GALNT13: variants seen among roughly 807,000 people sequenced by gnomAD.
The protein encoded by GALNT13 is polypeptide N-acetylgalactosaminyltransferase 13.
Under a neutral mutation model 64.2 loss-of-function variants are expected in GALNT13, and 28 were observed. The observed-to-expected ratio is 0.44, with a 90% CI of 0.32 to 0.60. The LOEUF (loss-of-function observed/expected upper bound fraction) is 0.60, where lower values mean the gene tolerates loss of function less well. GALNT13 is among the 20% of genes least tolerant of loss of function. The pLI is 0.05. For synonymous variants in GALNT13, 214 were observed against 224.6 expected, an observed-to-expected ratio of 0.95 and a Z score of 0.42; for missense variants, 577 against 669.8, an observed-to-expected ratio of 0.86 and a Z score of 1.53.
chr2:153,758,453 C>T, the GALNT13 span, among the ~76,000 whole-genome samples: 1 of 151,906 alleles, frequency 6.6e-6, no homozygotes, highest in Admixed American at 6.6e-5. Flanking sequence ...TTTCAGGGTG[C>T]AAGATTGTCT....
chr2:153,505,705 T>C, the GALNT13 span, among the ~76,000 whole-genome samples: 19 of 152,136 alleles, frequency 1.2e-4, no homozygotes, highest in African/African-American at 3.6e-4. Context: ...TTTTATTCCA[T>C]TGTGGTCTGA....
chr2:153,825,820 A>T, the GALNT13 span, among the ~76,000 whole-genome samples: 43 of 152,134 alleles, frequency 2.8e-4, no homozygotes, highest in African/African-American at 8.4e-4. Flanking sequence ...CATATTCTAC[A>T]CTGCTTCTAG....
chr2:153,706,311 A>G, the GALNT13 span, among the ~76,000 whole-genome samples: 1 of 152,086 alleles, frequency 6.6e-6, no homozygotes, highest in Non-Finnish European at 1.5e-5. Flanking sequence ...TATATATTTT[A>G]CTGCAGTCAA....
chr2:154,130,626 G>A (rs1682554997), intron 3 of GALNT13, among the ~76,000 whole-genome samples: 1 of 152,028 alleles, frequency 6.6e-6, no homozygotes, highest in African/African-American at 2.4e-5. Context: ...CTAAATTAAT[G>A]TTTGGAGCTC....
the GALNT13 span, among the ~76,000 whole-genome samples, chr2:153,082,467 G>A: frequency 6.7e-6 from 1 of 150,356 alleles, no homozygotes; most frequent in Non-Finnish European, 1.5e-5. Flanking sequence ...CCAGGTTGCT[G>A]TGAATGCCAT....
the GALNT13 span, among the ~76,000 whole-genome samples, chr2:153,834,016 A>ATT: frequency 1.8e-4 from 28 of 151,912 alleles, no homozygotes; most frequent in African/African-American, 6.5e-4. Flanking sequence ...TAAAAAATTA[A>ATT]TTTTTTTTGT....
the GALNT13 span, among the ~76,000 whole-genome samples, chr2:153,197,709 C>G: frequency 6.6e-6 from 1 of 152,158 alleles, no homozygotes; most frequent in Non-Finnish European, 1.5e-5. Context: ...GCACGTGTGC[C>G]AAAACACAGA....
At chr2:154,128,493 G>C (rs866782726) in intron 3 of GALNT13, among the ~76,000 whole-genome samples, 1 of 151,960 alleles carries the variant, frequency 6.6e-6, no homozygotes, top group Non-Finnish European at 1.5e-5. Context: ...ATGTCCAGAG[G>C]CAATGAAAAA....
At chr2:153,169,957 AT>A in the GALNT13 span, among the ~76,000 whole-genome samples, 1 of 152,156 alleles carries the variant, frequency 6.6e-6, no homozygotes, top group African/African-American at 2.4e-5. Context: ...CTTATCCAAA[AT>A]TAAGCTTGGG....
intron 11 of GALNT13, among the ~76,000 whole-genome samples, chr2:154,427,884 A>T (rs1700540211): frequency 6.6e-6 from 1 of 152,156 alleles, no homozygotes; most frequent in Non-Finnish European, 1.5e-5. Flanking sequence ...CTTCAATACC[A>T]TCTATGAATT....
intron 4 of GALNT13, among the ~76,000 whole-genome samples, chr2:154,189,156 G>T (rs546836738): frequency 6.6e-6 from 1 of 152,164 alleles, no homozygotes; most frequent in Non-Finnish European, 1.5e-5. Context: ...GAGATGGAAT[G>T]GAGATGCTTT....
At position 154,448,648 on chromosome 2, in the gene GALNT13, G is replaced by C. The variant is rs77249461; in HGVS notation, c.1531-1763G>C. ...TGTTTAGAAAGAACAATAATAACTAGTGTTTTTAAAATTATTATTTGTGCA... is the reference window on the plus strand; with the variant it reads ...TGTTTAGAAAGAACAATAATAACTACTGTTTTTAAAATTATTATTTGTGCA... On this transcript the variant is annotated intron_variant, in intron 12 of 12. Transcript: ENST00000392825. 3.3e-3 allele frequency among the ~76,000 whole-genome samples: 501 copies of C among 152,064 alleles called. 3 individuals are homozygous for C. The highest frequency in any genetic ancestry group is 0.012 in the African/African-American group (486 of 41,520).
At chr2:154,085,527 GA>G (rs1701479706) in intron 3 of GALNT13, among the ~76,000 whole-genome samples, 1 of 151,996 alleles carries the variant, frequency 6.6e-6, no homozygotes, top group East Asian at 1.9e-4. Context: ...AGTGTGCTCT[GA>G]AAAAGGAAGT....
intron 2 of GALNT13, among the ~76,000 whole-genome samples, chr2:153,901,528 G>A (rs989103072): frequency 6.6e-6 from 1 of 151,904 alleles, no homozygotes; most frequent in African/African-American, 2.4e-5. Context: ...TCTCCTCCTT[G>A]GTTAGCTGTA....
At chr2:154,090,058 G>A (rs1296238779) in intron 3 of GALNT13, among the ~76,000 whole-genome samples, 1 of 151,994 alleles carries the variant, frequency 6.6e-6, no homozygotes, top group African/African-American at 2.4e-5. Flanking sequence ...GTTTAAACTG[G>A]AAAAATGTAA....
chr2:153,165,459 T>A, the GALNT13 span, among the ~76,000 whole-genome samples: 1 of 152,350 alleles, frequency 6.6e-6, no homozygotes, highest in East Asian at 1.9e-4. Context: ...TTTTGTCAAC[T>A]TGTATTTGAA....
chr2:154,164,370 C>G (rs924295128), intron 4 of GALNT13, among the ~76,000 whole-genome samples: 5 of 151,966 alleles, frequency 3.3e-5, no homozygotes, highest in Non-Finnish European at 7.4e-5. Context: ...TTCTGTGTAA[C>G]ATTAATTATA....
chr2:153,656,559 G>T, the GALNT13 span, among the ~76,000 whole-genome samples: 4 of 151,922 alleles, frequency 2.6e-5, no homozygotes, highest in African/African-American at 9.7e-5. Flanking sequence ...TTGGGCAAAA[G>T]AAAAAAGGAA....
At chr2:153,074,863 T>C in the GALNT13 span, among the ~76,000 whole-genome samples, 1 of 152,124 alleles carries the variant, frequency 6.6e-6, no homozygotes, top group Non-Finnish European at 1.5e-5. Context: ...ACTGGCTGAG[T>C]AGCTGAGATT....
Sources: allele counts gnomAD v4.1 joint callset (sites outside exome capture counted in the v4.1 genomes callset), GRCh38; gene constraint gnomAD v4.1.1; transcripts MANE v1.5; gene names NCBI Gene and HGNC (gene_info 2026-07-23, HGNC 2026-07-21).